Variants in DNAAF9 observed in about 807,000 individuals in gnomAD.
The protein encoded by DNAAF9 is dynein axonemal assembly factor 9, also known as shulin.
Under a neutral mutation model 167.0 loss-of-function variants are expected in DNAAF9, and 90 were observed. That is an observed-to-expected ratio of 0.54 (90% CI 0.45 to 0.64). The LOEUF (loss-of-function observed/expected upper bound fraction) is 0.64. Ranked by LOEUF, DNAAF9 falls within the 30% of genes least tolerant of loss-of-function variation. DNAAF9 has a pLI of 0.00. For synonymous variants in DNAAF9, 491 were observed against 508.8 expected, an observed-to-expected ratio of 0.96 and a Z score of 0.47; for missense variants, 1,315 against 1,442.2, an observed-to-expected ratio of 0.91 and a Z score of 1.43.
chr20:3,367,095 A>G (rs1473629959), intron 6 of DNAAF9, among the ~76,000 whole-genome samples: 1 of 152,236 alleles, frequency 6.6e-6, no homozygotes, highest in Non-Finnish European at 1.5e-5. Flanking sequence ...CAGCTTCTAC[A>G]TCAGCACTTA....
At chr20:3,401,602 T>TA (rs11480215) in intron 1 of DNAAF9, among the ~76,000 whole-genome samples, 152,352 of 152,352 alleles carry the variant, frequency 1, 76,176 homozygotes, top group Non-Finnish European at 1. Flanking sequence ...AATTATTATC[T>TA]TTCATTCAAT....
intron 20 of DNAAF9, among the ~76,000 whole-genome samples, chr20:3,310,791 G>A (rs2069401581): frequency 6.6e-6 from 1 of 151,986 alleles, no homozygotes; most frequent in Admixed American, 6.5e-5. Context: ...ATAATAGCTT[G>A]GCCAATAAAT....
chr20:3,297,974 T>C lies in DNAAF9; in HGVS notation c.1929+55A>G. 4.9e-6 allele frequency: 7 copies of C among 1,415,084 alleles called. No individual in the cohort carries two copies. In the South Asian group the frequency reaches 8.3e-5, roughly 17 times the overall value. 87.7% of individuals were successfully genotyped at this position (1,415,084 alleles called of 1,614,324 possible). ...CCAAAATGATGCCTTACCATTTAAA[T>C]TGCTAGGGGGAAAAAAAAGTAGTAG... On this transcript the variant is annotated intron_variant, in intron 22 of 36. Coordinates refer to ENST00000252032, the MANE Select transcript of DNAAF9 (RefSeq NM_001009984.3).
At chr20:3,396,032 C>A (rs2083902240) in intron 1 of DNAAF9, among the ~76,000 whole-genome samples, 1 of 152,188 alleles carries the variant, frequency 6.6e-6, no homozygotes. Flanking sequence ...TTAAAAATGG[C>A]AGTTTCCCTG....
chr20:3,335,110 T>G (rs2069912413), intron 10 of DNAAF9, among the ~76,000 whole-genome samples: 1 of 152,184 alleles, frequency 6.6e-6, no homozygotes, highest in Non-Finnish European at 1.5e-5. Flanking sequence ...TTATTTTTAT[T>G]TTTTTGGCAA....
In DNAAF9 at chr20:3,287,761, C is replaced by A; in HGVS notation, c.2357G>T (p.Ser786Ile). 1 of 1,614,216 alleles carries A rather than the reference C, an allele frequency of 6.2e-7. No homozygotes were observed. Among genetic ancestry groups the A allele is most frequent in the Middle Eastern group, 1.6e-4 (1 of 6,062 alleles). Reference sequence around the variant, plus strand: ...GTGTGCAGCATGAAAACATTCAGAGCTGTCCATGATTTGGCGATACACCAT... The same window carrying A: ...GTGTGCAGCATGAAAACATTCAGAGATGTCCATGATTTGGCGATACACCAT... Reference protein sequence around the residue: ...RWMVYRQIMDSSECFHAAHFQ... With the variant: ...RWMVYRQIMDISECFHAAHFQ... Residue 786 changes from serine (S) to isoleucine (I), a missense_variant, in exon 27 of 37, where the codon AGC (serine) becomes ATC (isoleucine). Transcript: ENST00000252032.
chr20:3,265,252 G>T (rs899787593), intron 30 of DNAAF9, among the ~76,000 whole-genome samples: 1 of 151,870 alleles, frequency 6.6e-6, no homozygotes, highest in African/African-American at 2.4e-5. Flanking sequence ...GGTGGGGGAG[G>T]GTCCACGATC....
intron 23 of DNAAF9, 187 bp downstream of exon 23, chr20:3,296,674 C>T (rs1372785261): frequency 3.3e-6 from 2 of 611,034 alleles, no homozygotes; most frequent in South Asian, 2.1e-5. Flanking sequence ...AGGCACTGCA[C>T]ATGGCCCTCT....
Position 3,255,271 on chromosome 20 carries a change from T to C in DNAAF9, c.3275A>G (p.Lys1092Arg). ...CAGCATCCCCCTGGTCTTCAGGGCT[T>C]TCCTCTGAGGCTTCTGCAGAGATGG... is the stretch of plus-strand genomic sequence containing the variant. ...RQSAKQKPQR[K>R]ALKTRGMLTQ... is the part of the protein sequence containing the mutation. The change falls in exon 35 of 37, where the codon AAA becomes AGA. Residue 1092 changes from lysine (K) to arginine (R), a missense_variant. By Grantham distance (26) the Lys-to-Arg change is conservative. Transcript: ENST00000252032. The C allele has an allele frequency of 1.3e-6, 2 of 1,549,912 alleles. No homozygotes were observed. Among genetic ancestry groups the C allele is most frequent in the Non-Finnish European group, 1.7e-6 (2 of 1,145,482 alleles).
At chr20:3,270,997 G>A (rs903820486) in intron 29 of DNAAF9, among the ~76,000 whole-genome samples, 10 of 151,872 alleles carry the variant, frequency 6.6e-5, no homozygotes, top group African/African-American at 2.2e-4. Flanking sequence ...ATTTTTAGTA[G>A]AGACGGGGTT....
intron 27 of DNAAF9, among the ~76,000 whole-genome samples, chr20:3,284,173 C>G (rs898064156): frequency 2.5e-4 from 30 of 118,234 alleles, no homozygotes; most frequent in Non-Finnish European, 3.0e-4. Flanking sequence ...TTACTAGAGT[C>G]TTTTTTTTTT....
At chr20:3,310,373 GAAAGAAA>G (rs1568596668) in intron 20 of DNAAF9, among the ~76,000 whole-genome samples, 45 of 151,124 alleles carry the variant, frequency 3.0e-4, no homozygotes, top group African/African-American at 1.1e-3. Flanking sequence ...AAGAAAGAAA[GAAAGAAA>G]GAAAGAAAGA....
At chr20:3,394,338 CAAAAA>C (rs11479398) in intron 1 of DNAAF9, among the ~76,000 whole-genome samples, 1 of 95,640 alleles carries the variant, frequency 1.0e-5, no homozygotes. Flanking sequence ...AACTCCGTCT[CAAAAA>C]AAAAAAAAAA....
intron 7 of DNAAF9, among the ~76,000 whole-genome samples, chr20:3,350,384 A>G (rs2070298497): frequency 2.6e-5 from 4 of 151,866 alleles, no homozygotes; most frequent in Admixed American, 2.6e-4. Flanking sequence ...TGTTTTATAT[A>G]TAACGTAGGA....
intron 14 of DNAAF9, 119 bp from the exon 15 acceptor site, chr20:3,322,815 T>C (rs1476845957): frequency 2.6e-6 from 2 of 781,948 alleles, no homozygotes; most frequent in East Asian, 4.9e-5. Context: ...CATCCTTGCT[T>C]TACACAGATT....
intron 9 of DNAAF9, 118 bp from the exon 10 acceptor site, chr20:3,340,757 G>T: frequency 1.1e-6 from 1 of 887,194 alleles, no homozygotes; most frequent in Non-Finnish European, 1.8e-6. Flanking sequence ...GAGCAAAGTG[G>T]TCAGTCAGTA....
chr20:3,267,002 A>G (rs2068503026), intron 30 of DNAAF9, among the ~76,000 whole-genome samples: 1 of 151,526 alleles, frequency 6.6e-6, no homozygotes, highest in African/African-American at 2.4e-5. Context: ...ACAGGCATGC[A>G]CTACCATGCC....
intron 3 of DNAAF9, 52 bp from the exon 4 acceptor site, chr20:3,376,354 G>T (rs1237708498): frequency 1.9e-5 from 28 of 1,447,280 alleles, no homozygotes; most frequent in Non-Finnish European, 2.6e-5. Flanking sequence ...ATTTCTTTTA[G>T]ATATTTTCTG....
rs748277132 is a variant in DNAAF9, at chr20:3,382,463, T to G, written c.127A>C (p.Ser43Arg). Residue 43 changes from serine (S) to arginine (R), a missense_variant, in exon 2 of 37, where the codon AGC (serine) becomes CGC (arginine). This residue lies in a region of DNAAF9 where 981 missense variants were observed against 1,012.5 expected (regional missense o/e 0.97). Coordinates refer to ENST00000252032, the MANE Select transcript of DNAAF9 (RefSeq NM_001009984.3). Reference protein sequence around the residue: ...RQVQSILTQSSKSRPDGILCI... With the variant: ...RQVQSILTQSRKSRPDGILCI... ...AGGATCCCATCCGGCCGAGACTTGCTGCTCTGGGTCAGGATGCTCTGAACC... is the reference window on the plus strand; with the variant it reads ...AGGATCCCATCCGGCCGAGACTTGCGGCTCTGGGTCAGGATGCTCTGAACC... The G allele has an allele frequency of 8.7e-6, 14 of 1,613,852 alleles. No homozygotes were observed. Among genetic ancestry groups the G allele is most frequent in the African/African-American group, 2.7e-5 (2 of 74,924 alleles).
Sources: gnomAD v4.1 joint callset for allele counts (sites outside exome capture counted in the v4.1 genomes callset) on GRCh38, gnomAD v4.1.1 for gene constraint, gnomAD v4.1.1 regional missense constraint, MANE v1.5 for transcripts, NCBI Gene and HGNC (gene_info 2026-07-23, HGNC 2026-07-21) for gene names.